TMEM120B: variants seen among roughly 807,000 people sequenced by gnomAD.
The protein encoded by TMEM120B is transmembrane protein 120B.
TMEM120B carries 31 observed loss-of-function variants against 55.5 expected under a neutral mutation model. The ratio of observed to expected loss-of-function variants is 0.56; its 90% CI spans 0.42 to 0.75. The LOEUF (loss-of-function observed/expected upper bound fraction) is 0.75, where lower values mean the gene tolerates loss of function less well. Among genes scored for constraint, TMEM120B ranks in the 30% least tolerant of loss-of-function variants. The pLI, the probability that TMEM120B is intolerant of heterozygous loss-of-function variation, is 0.00. For missense variants in TMEM120B, 399 were observed against 425.5 expected, an observed-to-expected ratio of 0.94 and a Z score of 0.55; for synonymous variants, 203 against 176.3, an observed-to-expected ratio of 1.15 and a Z score of -1.20.
chr12:121,716,990 G>C (rs1894715197), intron 1 of TMEM120B, among the ~76,000 whole-genome samples: 1 of 152,194 alleles, frequency 6.6e-6, no homozygotes, highest in African/African-American at 2.4e-5. Flanking sequence ...CTGAGGAGAG[G>C]AAAGGATCAG....
chr12:121,740,689 T>C (rs1049794534), intron 1 of TMEM120B, among the ~76,000 whole-genome samples: 18 of 152,116 alleles, frequency 1.2e-4, no homozygotes, highest in African/African-American at 4.3e-4. Context: ...GAAGAAAATC[T>C]GTGTATAAGT....
In TMEM120B at chr12:121,756,326, CCT is replaced by C. The variant is rs1314736137; in HGVS notation, c.461+4108_461+4109del. Among the ~76,000 whole-genome samples, 8 of 152,198 alleles carry C rather than the reference CCT, an allele frequency of 5.3e-5. No individual in the cohort carries two copies. The South Asian group carries it at 1.0e-3, about 20-fold the overall frequency. On this transcript the variant is annotated intron_variant, in intron 5 of 11. Transcript: ENST00000449592. The stretch of plus-strand genomic sequence containing the variant: ...CAGCCTGGGCAACATGGCGAAACCC[CCT>C]CTCTACAAAAAATACAAAAATTAGT...
chr12:121,735,486 C>T (rs983499398), intron 1 of TMEM120B, among the ~76,000 whole-genome samples: 6 of 151,540 alleles, frequency 4.0e-5, no homozygotes, highest in African/African-American at 9.7e-5. Context: ...GCAACCTCCG[C>T]GTCCTGGGAT....
chr12:121,769,980 G>A (rs1223101244), intron 6 of TMEM120B, among the ~76,000 whole-genome samples: 5 of 152,138 alleles, frequency 3.3e-5, no homozygotes, highest in Non-Finnish European at 7.3e-5. Flanking sequence ...AGGCGGTCAG[G>A]AGGCCTTTGT....
At chr12:121,768,918 G>C (rs1045656142) in intron 6 of TMEM120B, among the ~76,000 whole-genome samples, 4 of 152,136 alleles carry the variant, frequency 2.6e-5, no homozygotes, top group Admixed American at 2.0e-4. Flanking sequence ...GGCCGAGGCA[G>C]GTGGATCCCC....
rs201098881 is a variant in TMEM120B at position 121,779,955 on chromosome 12, C to T, written c.*4233C>T. 34 of 280,738 alleles carry T rather than the reference C, an allele frequency of 1.2e-4. No individual in the cohort carries two copies. Among genetic ancestry groups the T allele is most frequent in the African/African-American group, 7.5e-4 (32 of 42,564 alleles). 17.4% of individuals were successfully genotyped at this position (280,738 alleles called of 1,614,324 possible). The stretch of plus-strand genomic sequence containing the variant: ...ACCCGGGGTTGGTTCCCCCAGGTGT[C>T]TCCCAGGCCTGTGAGAAGAGTTGGA... On this transcript the variant is annotated 3_prime_UTR_variant, in exon 12 of 12. Coordinates refer to ENST00000449592, the MANE Select transcript of TMEM120B (RefSeq NM_001080825.2).
chr12:121,773,376 C>G lies in TMEM120B; in HGVS notation c.680-45C>G, dbSNP rs770982873. On this transcript the variant is annotated intron_variant, in intron 8 of 11. Coordinates refer to ENST00000449592, the MANE Select transcript of TMEM120B (RefSeq NM_001080825.2). Reference sequence around the variant, plus strand: ...GGCAGAGAGGTGTGGCCCTGTCTTCCGGGGACACCAGGCCCTGAGCCCAGG... The same window carrying G: ...GGCAGAGAGGTGTGGCCCTGTCTTCGGGGGACACCAGGCCCTGAGCCCAGG... The G allele has an allele frequency of 3.2e-6, 5 of 1,555,646 alleles. No homozygotes were observed. In the East Asian group the frequency reaches 6.9e-5, roughly 22 times the overall value.
intron 5 of TMEM120B, among the ~76,000 whole-genome samples, chr12:121,755,317 CTCTG>C (rs1203555794): frequency 4.0e-5 from 6 of 151,876 alleles, no homozygotes; most frequent in East Asian, 1.9e-4. Context: ...CCCTGGGCCT[CTCTG>C]TCTGTCTCCT....
chr12:121,748,446 G>T lies in TMEM120B; in HGVS notation c.305+4G>T, dbSNP rs746604482. 1.2e-6 allele frequency: 2 copies of T among 1,601,344 alleles called. No homozygotes were observed. The highest frequency in any genetic ancestry group is 1.7e-6 in the Non-Finnish European group (2 of 1,171,696). On this transcript the variant is annotated splice_donor_region_variant and intron_variant, in intron 3 of 11. Transcript: ENST00000449592. ...CCTACCTGCCCAAGAAGAACGGGTAGGAGCTGGCAACCTCCCCACCCCTAG... is the reference window on the plus strand; with the variant it reads ...CCTACCTGCCCAAGAAGAACGGGTATGAGCTGGCAACCTCCCCACCCCTAG...
In TMEM120B at chr12:121,779,476, C is replaced by T. The variant is rs749658309; in HGVS notation, c.*3754C>T. ...GGCCCCCGGGCCCTGTCAGTGCTGTCGTGAGGTCTGTCTGCCCTGGGTCAG... is the reference window on the plus strand; with the variant it reads ...GGCCCCCGGGCCCTGTCAGTGCTGTTGTGAGGTCTGTCTGCCCTGGGTCAG... On this transcript the variant is annotated 3_prime_UTR_variant, in exon 12 of 12. Coordinates refer to ENST00000449592, the MANE Select transcript of TMEM120B (RefSeq NM_001080825.2). 27 of 1,608,304 alleles carry T rather than the reference C, an allele frequency of 1.7e-5. No individual in the cohort carries two copies. The highest frequency in any genetic ancestry group is 8.0e-5 in the African/African-American group (6 of 74,928).
Position 121,779,848 on chromosome 12 carries a change from G to T in TMEM120B, c.*4126G>T. ...TGGAATGGAGGGCCAGGGCAGTGCAGCCCGCAGGTTGGAAGAAGCCCTGTC... is the reference window on the plus strand; with the variant it reads ...TGGAATGGAGGGCCAGGGCAGTGCATCCCGCAGGTTGGAAGAAGCCCTGTC... On this transcript the variant is annotated 3_prime_UTR_variant, in exon 12 of 12. Transcript: ENST00000449592. 2 of 629,700 alleles carry T rather than the reference G, an allele frequency of 3.2e-6. No individual in the cohort carries two copies. The highest frequency in any genetic ancestry group is 4.0e-5 in the South Asian group (2 of 49,576). The allele number at this position is 629,700 out of a possible 1,614,324, so 39.0% of individuals were successfully genotyped here. A position where few individuals can be genotyped will look rare whatever the true frequency, so the allele number is the denominator to read the frequency against.
intron 6 of TMEM120B, 67 bp from the exon 7 acceptor site, chr12:121,770,840 C>A: frequency 6.8e-7 from 1 of 1,473,568 alleles, no homozygotes; most frequent in Non-Finnish European, 9.5e-7. Flanking sequence ...TAGGTGGGGC[C>A]TCAGCGAGAC....
rs547313837 is a variant in TMEM120B, at chr12:121,753,055, C to T, written c.461+832C>T. Among the ~76,000 whole-genome samples, 17 of 152,184 alleles carry T rather than the reference C, an allele frequency of 1.1e-4. No individual in the cohort carries two copies. The South Asian group carries it at 2.9e-3, about 26-fold the overall frequency. ...TCCAGGAGTTTGAGGCTGCAGTGAG[C>T]CATGATCACACCACTGCACTTTAGC... On this transcript the variant is annotated intron_variant, in intron 5 of 11. Coordinates refer to ENST00000449592, the MANE Select transcript of TMEM120B (RefSeq NM_001080825.2).
At position 121,778,450 on chromosome 12, in the gene TMEM120B, CAAA is replaced by C. The variant is rs35474958; in HGVS notation, c.*2747_*2749del. ...TGAGTGACAGAATGAGACTCTGTCC[CAAA>C]AAAAAAAAAAAAAAAAAATTCCCAG... On this transcript the variant is annotated 3_prime_UTR_variant, in exon 12 of 12. Transcript: ENST00000449592. The C allele has an allele frequency of 9.9e-5, 9 of 90,862 alleles. No individual in the cohort carries two copies. Among genetic ancestry groups the C allele is most frequent in the Admixed American group, 1.2e-4 (1 of 8,226 alleles). 5.6% of individuals were successfully genotyped at this position (90,862 alleles called of 1,614,324 possible).
chr12:121,741,385 A>C (rs1226137618), intron 1 of TMEM120B, among the ~76,000 whole-genome samples: 4 of 152,154 alleles, frequency 2.6e-5, no homozygotes, highest in Non-Finnish European at 5.9e-5. Flanking sequence ...GCTGGAGTGC[A>C]ATGGCGCGAT....
Position 121,781,361 on chromosome 12 carries a change from C to T in TMEM120B, c.*5639C>T. ...TGGCACAGGCCTGTGGTCGCAGCTA[C>T]TCGGGAGGCTGAGGCCGGAGGATCG... On this transcript the variant is annotated 3_prime_UTR_variant, in exon 12 of 12. Transcript: ENST00000449592. 1 of 613,060 alleles carries T rather than the reference C, an allele frequency of 1.6e-6. No homozygotes were observed. Among genetic ancestry groups the T allele is most frequent in the Non-Finnish European group, 2.8e-6 (1 of 351,272 alleles). 38.0% of individuals were successfully genotyped at this position (613,060 alleles called of 1,614,324 possible).
Position 121,771,564 on chromosome 12 carries a change from C to G in TMEM120B, c.679+15C>G, listed in dbSNP as rs764033372. 6.2e-7 allele frequency: 1 copy of G among 1,613,084 alleles called. No individual in the cohort carries two copies. The highest frequency in any genetic ancestry group is 1.3e-5 in the African/African-American group (1 of 74,968). ...CATTTTTCAGAGTGAGTGACTGTTG[C>G]CTGGATTTGGGGGAAGGGACATGGT... On this transcript the variant is annotated intron_variant, in intron 8 of 11. Coordinates refer to ENST00000449592, the MANE Select transcript of TMEM120B (RefSeq NM_001080825.2).
chr12:121,741,646 C>CATTT (rs2137117318), intron 1 of TMEM120B, among the ~76,000 whole-genome samples: 1 of 151,722 alleles, frequency 6.6e-6, no homozygotes. Context: ...TATTATTATT[C>CATTT]ATTTATTTAT....
In TMEM120B at chr12:121,781,225, G is replaced by A. The variant is rs369573078; in HGVS notation, c.*5503G>A. On this transcript the variant is annotated 3_prime_UTR_variant, in exon 12 of 12. Transcript: ENST00000449592. The stretch of plus-strand genomic sequence containing the variant: ...CACAGAGCAGCGGGGGTCAGGGGAC[G>A]TCCCCTCCCTGTCTGGACTCTGACG... The A allele has an allele frequency of 1.8e-5, 28 of 1,589,736 alleles. No individual in the cohort carries two copies. In the African/African-American group the frequency reaches 3.0e-4, roughly 17 times the overall value.
Sources: gnomAD v4.1 joint callset for allele counts (sites outside exome capture counted in the v4.1 genomes callset) on GRCh38, gnomAD v4.1.1 for gene constraint, MANE v1.5 for transcripts, NCBI Gene and HGNC (gene_info 2026-07-23, HGNC 2026-07-21) for gene names.